The following IPCEF1 variants were observed in gnomAD, a reference collection of about 807,000 sequenced individuals.
IPCEF1 encodes the protein interaction protein for cytohesin exchange factors 1, also known as interactor protein for cytohesin exchange factors 1.
A neutral mutation model predicts 50.9 loss-of-function variants in IPCEF1; 31 were observed. The observed-to-expected ratio is 0.61, with a 90% CI of 0.46 to 0.82. The LOEUF (loss-of-function observed/expected upper bound fraction) is 0.82, where lower values mean the gene tolerates loss of function less well. Among genes scored for constraint, IPCEF1 ranks in the 40% least tolerant of loss-of-function variants. The pLI is 0.00. For synonymous variants in IPCEF1, 181 were observed against 192.0 expected (o/e 0.94, Z 0.47); for missense variants, 458 against 514.0 (o/e 0.89, Z 1.05).
At chr6:154,172,798 G>A (rs35503700) in intron 10 of IPCEF1, among the ~76,000 whole-genome samples, 29,443 of 152,294 alleles carry the variant, frequency 0.19, 3,452 homozygotes, top group East Asian at 0.41. Context: ...CAGCTCTGAA[G>A]AGAGCAGTGG....
intron 2 of IPCEF1, among the ~76,000 whole-genome samples, chr6:154,284,865 T>C (rs546402838): frequency 6.6e-6 from 1 of 152,250 alleles, no homozygotes; most frequent in South Asian, 2.1e-4. Flanking sequence ...CCAGGTTTGG[T>C]GGTGTGCACC....
chr6:154,160,400 A>G (rs1373576593), intron 11 of IPCEF1, among the ~76,000 whole-genome samples: 1 of 152,204 alleles, frequency 6.6e-6, no homozygotes, highest in Non-Finnish European at 1.5e-5. Flanking sequence ...CATTTTATTG[A>G]CAATCCAAAC....
At chr6:154,333,575 C>T (rs1783719951) in intron 1 of IPCEF1, among the ~76,000 whole-genome samples, 1 of 151,160 alleles carries the variant, frequency 6.6e-6, no homozygotes, top group Non-Finnish European at 1.5e-5. Context: ...TATATACACA[C>T]ACACACATAT....
In IPCEF1 at chr6:154,155,876, T is replaced by G. The variant is rs934735143; in HGVS notation, c.*3952A>C. On this transcript the variant is annotated 3_prime_UTR_variant, in exon 12 of 12. Coordinates refer to ENST00000367220, the MANE Select transcript of IPCEF1 (RefSeq NM_001130700.2). ...GAATAGCACTTCTTTTCAAAAGACT[T>G]AAAAATATTTTTTCTTTGAATCTGT... 1.3e-5 allele frequency: 2 copies of G among 152,260 alleles called. No homozygotes were observed. The highest frequency in any genetic ancestry group is 2.9e-5 in the Non-Finnish European group (2 of 68,040). 9.4% of individuals were successfully genotyped at this position (152,260 alleles called of 1,614,324 possible).
chr6:154,169,947 C>T (rs190014589), intron 10 of IPCEF1, among the ~76,000 whole-genome samples: 2 of 152,206 alleles, frequency 1.3e-5, no homozygotes, highest in Non-Finnish European at 2.9e-5. Context: ...AGGAAGTATC[C>T]CAAGAATAAT....
intron 2 of IPCEF1, among the ~76,000 whole-genome samples, chr6:154,276,534 G>A (rs1309268444): frequency 6.6e-6 from 1 of 152,136 alleles, no homozygotes; most frequent in Non-Finnish European, 1.5e-5. Context: ...TTCACAGCAA[G>A]GTTGTAAAGT....
At chr6:154,187,709 T>A (rs911293568) in intron 10 of IPCEF1, among the ~76,000 whole-genome samples, 1 of 152,234 alleles carries the variant, frequency 6.6e-6, no homozygotes, top group Non-Finnish European at 1.5e-5. Flanking sequence ...TTAAGGCGAT[T>A]AGAATCTCAG....
chr6:154,248,877 C>T (rs960643423), intron 3 of IPCEF1, among the ~76,000 whole-genome samples: 2 of 151,988 alleles, frequency 1.3e-5, no homozygotes, highest in South Asian at 2.1e-4. Context: ...AATATTATAT[C>T]GTTGAGATAA....
At chr6:154,336,897 C>T (rs9371790) in intron 1 of IPCEF1, among the ~76,000 whole-genome samples, 38,940 of 152,082 alleles carry the variant, frequency 0.26, 6,640 homozygotes, top group East Asian at 0.64. Flanking sequence ...ATCAATCATG[C>T]CTGGCCTAGA....
chr6:154,170,244 C>A (rs1033430841), intron 10 of IPCEF1, among the ~76,000 whole-genome samples: 49 of 151,910 alleles, frequency 3.2e-4, no homozygotes, highest in Non-Finnish European at 1.5e-5. Flanking sequence ...CCACATACTC[C>A]TTAATGTTTA....
intron 5 of IPCEF1, among the ~76,000 whole-genome samples, chr6:154,241,785 C>G (rs1160728727): frequency 1.3e-5 from 2 of 152,118 alleles, no homozygotes; most frequent in East Asian, 3.9e-4. Context: ...GCCAATTTCA[C>G]GAGCTCACCT....
chr6:154,259,105 C>T (rs776139676), intron 3 of IPCEF1, among the ~76,000 whole-genome samples: 35 of 152,122 alleles, frequency 2.3e-4, no homozygotes, highest in Non-Finnish European at 4.4e-4. Flanking sequence ...AGTTAAGCAA[C>T]ACAAAAGTTT....
At chr6:154,227,716 CA>C (rs899070819) in intron 5 of IPCEF1, among the ~76,000 whole-genome samples, 35 of 150,248 alleles carry the variant, frequency 2.3e-4, no homozygotes, top group Admixed American at 4.0e-4. Context: ...AAATGTGTCT[CA>C]AAAAAAAATT....
At chr6:154,251,802 G>T (rs1375795139) in intron 3 of IPCEF1, among the ~76,000 whole-genome samples, 1 of 152,056 alleles carries the variant, frequency 6.6e-6, no homozygotes, top group African/African-American at 2.4e-5. Context: ...GGGAAGAAGG[G>T]GAGGAAGGAA....
chr6:154,189,951 A>G (rs114852872), intron 10 of IPCEF1, among the ~76,000 whole-genome samples: 2,400 of 152,282 alleles, frequency 0.016, 62 homozygotes, highest in African/African-American at 0.054. Flanking sequence ...CTCAAAAAAA[A>G]AAGAAACATC....
intron 3 of IPCEF1, among the ~76,000 whole-genome samples, chr6:154,263,979 G>A (rs556696911): frequency 8.5e-6 from 1 of 117,126 alleles, no homozygotes; most frequent in African/African-American, 3.3e-5. Flanking sequence ...CTTCCCGGAT[G>A]GGGCGGCTGG....
intron 10 of IPCEF1, among the ~76,000 whole-genome samples, chr6:154,180,405 TATATATATA>T (rs1353093388): frequency 4.2e-3 from 178 of 41,988 alleles, no homozygotes; most frequent in African/African-American, 0.012. Flanking sequence ...TATATATATA[TATATATATA>T]TTTTTTTTTT....
chr6:154,240,213 A>G (rs1357886880), intron 5 of IPCEF1, among the ~76,000 whole-genome samples: 2 of 152,268 alleles, frequency 1.3e-5, no homozygotes, highest in African/African-American at 4.8e-5. Context: ...TGTAATAATT[A>G]AGCAATTCCT....
At chr6:154,343,919 C>G (rs570237112) in intron 1 of IPCEF1, among the ~76,000 whole-genome samples, 2 of 152,326 alleles carry the variant, frequency 1.3e-5, no homozygotes, top group East Asian at 3.9e-4. Flanking sequence ...TGCCTGGCAG[C>G]ATGGCCGACC....
Sources: allele counts gnomAD v4.1 joint callset (sites outside exome capture counted in the v4.1 genomes callset), GRCh38; gene constraint gnomAD v4.1.1; transcripts MANE v1.5; gene names NCBI Gene and HGNC (gene_info 2026-07-23, HGNC 2026-07-21).